The following FTO variants were observed in gnomAD, a reference collection of about 807,000 sequenced individuals.
FTO encodes the protein alpha-ketoglutarate-dependent dioxygenase FTO.
In FTO, 47 loss-of-function variants were observed where a neutral mutation model predicts 63.9. The observed-to-expected ratio is 0.74, with a 90% CI of 0.58 to 0.94. The LOEUF is 0.94. Ranked by LOEUF, FTO falls within the 40% of genes least tolerant of loss-of-function variation. FTO has a pLI of 0.00. For synonymous variants in FTO, 207 were observed against 224.4 expected (o/e 0.92, Z 0.69); for missense variants, 562 against 618.1 (o/e 0.91, Z 0.96).
chr16:53,864,381 C>T (rs761902394), intron 4 of FTO, among the ~76,000 whole-genome samples: 3 of 152,046 alleles, frequency 2.0e-5, no homozygotes, highest in South Asian at 4.2e-4. Flanking sequence ...CTGTCCTTTT[C>T]GAAAAGTCTG....
rs12445894 is a variant in FTO, at chr16:54,030,913, G to T, written c.1365-80849G>T. ...TGAATCCTTCTAATAGAAGGGGTTC[G>T]TAGAGACCATTATGAAGCCTTAAAA... On this transcript the variant is annotated intron_variant, in intron 8 of 8. Coordinates refer to ENST00000471389, the MANE Select transcript of FTO (RefSeq NM_001080432.3). 3.0e-3 allele frequency among the ~76,000 whole-genome samples: 462 copies of T among 152,118 alleles called. 1 individual carries two copies. Among genetic ancestry groups the T allele is most frequent in the African/African-American group, 0.01 (432 of 41,444 alleles).
rs754399299 is a variant in FTO at position 53,810,178 on chromosome 16, C to T, written c.84C>T (p.Leu28=). The change falls in exon 2 of 9, where the codon CTC becomes CTT. Residue 28 remains leucine, a synonymous_variant. Transcript: ENST00000471389. The part of the protein sequence containing the change: ...RLLEELEDTW[L]PYLTPKDDEF... ...TTGAAGAGCTTGAAGACACTTGGCT[C>T]CCTTATCTGACCCCCAAAGATGATG... 1 of 1,611,666 alleles carries T rather than the reference C, an allele frequency of 6.2e-7. No homozygotes were observed. Among genetic ancestry groups the T allele is most frequent in the Non-Finnish European group, 8.5e-7 (1 of 1,178,344 alleles).
intron 1 of FTO, among the ~76,000 whole-genome samples, chr16:53,803,487 G>A (rs550845992): frequency 1.3e-5 from 2 of 152,330 alleles, no homozygotes; most frequent in South Asian, 4.1e-4. Context: ...GGGTCCAAGA[G>A]CAGTGGCTGT....
intron 4 of FTO, among the ~76,000 whole-genome samples, chr16:53,864,023 G>A (rs1471738865): frequency 2.0e-5 from 3 of 152,124 alleles, no homozygotes; most frequent in African/African-American, 4.8e-5. Flanking sequence ...GGAATGGGAC[G>A]GGGCCTGTGT....
At chr16:54,070,164 AC>A (rs2085832965) in intron 8 of FTO, 1 of 151,884 alleles carries the variant, frequency 6.6e-6, no homozygotes, top group Admixed American at 6.6e-5. Flanking sequence ...TTCAAACTAG[AC>A]TCATAATGAG....
At chr16:53,727,706 G>A (rs1308695374) in intron 1 of FTO, among the ~76,000 whole-genome samples, 2 of 152,270 alleles carry the variant, frequency 1.3e-5, no homozygotes, top group South Asian at 4.1e-4. Context: ...TGGGAGTCAC[G>A]AGACCTGAGT....
At chr16:53,984,100 C>G (rs1479530752) in intron 8 of FTO, among the ~76,000 whole-genome samples, 1 of 152,032 alleles carries the variant, frequency 6.6e-6, no homozygotes, top group Non-Finnish European at 1.5e-5. Context: ...GGCTTAAAAC[C>G]CTATTGTGAA....
chr16:53,986,387 C>T (rs1399649555), intron 8 of FTO, among the ~76,000 whole-genome samples: 1 of 152,136 alleles, frequency 6.6e-6, no homozygotes, highest in African/African-American at 2.4e-5. Flanking sequence ...TGTTTCTCTG[C>T]TCCTTTGTGA....
chr16:53,904,023 T>A (rs1477568512), intron 7 of FTO, among the ~76,000 whole-genome samples: 1 of 151,726 alleles, frequency 6.6e-6, no homozygotes, highest in Non-Finnish European at 1.5e-5. Flanking sequence ...TATATAAACA[T>A]AGACAATATA....
chr16:54,035,817 C>A (rs563798481), intron 8 of FTO, among the ~76,000 whole-genome samples: 1 of 152,228 alleles, frequency 6.6e-6, no homozygotes, highest in South Asian at 2.1e-4. Context: ...TTCCTTTCAC[C>A]CGCTTCCTCT....
Position 53,911,084 on chromosome 16 carries a change from A to G in FTO, c.1239+22133A>G, listed in dbSNP as rs150454845. 3.8e-3 allele frequency among the ~76,000 whole-genome samples: 583 copies of G among 152,340 alleles called. 4 individuals are homozygous for G. The highest frequency in any genetic ancestry group is 5.2e-3 in the Admixed American group (79 of 15,306). On this transcript the variant is annotated intron_variant, in intron 7 of 8. Transcript: ENST00000471389. ...GAACTTGGTAGAGACGTCAGAGCCA[A>G]GCGTAGATTTGGGAGTTTGATTTAT... is the stretch of plus-strand genomic sequence containing the variant.
chr16:53,907,364 A>T (rs901310178), intron 7 of FTO, among the ~76,000 whole-genome samples: 8 of 152,220 alleles, frequency 5.3e-5, no homozygotes, highest in African/African-American at 1.9e-4. Context: ...TGAATACAGT[A>T]CACTGTAGAG....
chr16:53,984,320 T>C (rs74022315), intron 8 of FTO, among the ~76,000 whole-genome samples: 1,919 of 120,654 alleles, frequency 0.016, 48 homozygotes, highest in African/African-American at 0.056. Flanking sequence ...TTGGAATGGG[T>C]CTTTTTTTTT....
intron 8 of FTO, among the ~76,000 whole-genome samples, chr16:54,105,952 G>A (rs761715590): frequency 6.6e-6 from 1 of 152,062 alleles, no homozygotes; most frequent in Non-Finnish European, 1.5e-5. Flanking sequence ...AGAAGACCGT[G>A]TATGTTTTCT....
chr16:53,867,529 T>TGTGTGTG (rs1598864565), intron 4 of FTO, among the ~76,000 whole-genome samples: 13 of 133,114 alleles, frequency 9.8e-5, no homozygotes, highest in Admixed American at 1.5e-4. Flanking sequence ...GTGTGTGTGT[T>TGTGTGTG]TGTGTGTACC....
At chr16:54,083,490 C>A (rs2086193723) in intron 8 of FTO, among the ~76,000 whole-genome samples, 1 of 152,178 alleles carries the variant, frequency 6.6e-6, no homozygotes, top group South Asian at 2.1e-4. Flanking sequence ...TCCAGGGTTT[C>A]ATTTAATAGT....
intron 3 of FTO, among the ~76,000 whole-genome samples, chr16:53,827,079 C>T (rs1471862980): frequency 6.6e-6 from 1 of 152,214 alleles, no homozygotes; most frequent in Admixed American, 6.5e-5. Context: ...AGACAGTCCT[C>T]TATTTTCAGG....
chr16:54,038,264 C>A (rs1444005929), intron 8 of FTO, among the ~76,000 whole-genome samples: 1 of 152,212 alleles, frequency 6.6e-6, no homozygotes, highest in African/African-American at 2.4e-5. Context: ...ACCTTACCTC[C>A]TGTAACCTGA....
intron 8 of FTO, among the ~76,000 whole-genome samples, chr16:53,940,410 A>G (rs568383088): frequency 6.6e-6 from 1 of 152,204 alleles, no homozygotes. Flanking sequence ...CTGTCATTAA[A>G]TTGCAGCAGT....
Sources: gnomAD v4.1 joint callset for allele counts (sites outside exome capture counted in the v4.1 genomes callset) on GRCh38, gnomAD v4.1.1 for gene constraint, MANE v1.5 for transcripts, NCBI Gene and HGNC (gene_info 2026-07-23, HGNC 2026-07-21) for gene names.